The following ADAMTS9 variants were observed in gnomAD, a reference collection of about 807,000 sequenced individuals.
The protein encoded by ADAMTS9 is A disintegrin and metalloproteinase with thrombospondin motifs 9.
Under a neutral mutation model 257.1 loss-of-function variants are expected in ADAMTS9, and 107 were observed. That is an observed-to-expected ratio of 0.42 (90% CI 0.36 to 0.49). The LOEUF (loss-of-function observed/expected upper bound fraction) is 0.49, where lower values mean the gene tolerates loss of function less well. Among genes scored for constraint, ADAMTS9 ranks in the 20% least tolerant of loss-of-function variants. The pLI is 0.03. For missense variants in ADAMTS9, 2,353 were observed against 2,469.1 expected, an observed-to-expected ratio of 0.95 and a Z score of 1.00; for synonymous variants, 982 against 880.9, an observed-to-expected ratio of 1.11 and a Z score of -2.03.
intron 11 of ADAMTS9, 76 bp downstream of exon 11, chr3:64,647,864 T>C: frequency 2.4e-6 from 3 of 1,263,300 alleles, no homozygotes; most frequent in Non-Finnish European, 3.3e-6. Flanking sequence ...ATTCTAAACA[T>C]CGGTGTCTGA....
rs1416021944 is a variant in ADAMTS9, at chr3:64,602,092, C to T, written c.3869G>A (p.Cys1290Tyr). 3.1e-6 allele frequency: 5 copies of T among 1,613,978 alleles called. No individual in the cohort carries two copies. In the African/African-American group the frequency reaches 6.7e-5, roughly 22 times the overall value. ...CCTTTGAGGGCATGGTGACATGGAA[C>T]AGTCCTGGTCAGTTTCTGGGATATA... ...QDYIPETDQD[C>Y]SMSPCPQRTP... Residue 1290 changes from cysteine (C) to tyrosine (Y), a missense_variant, in exon 26 of 40, where the codon TGT (cysteine) becomes TAT (tyrosine). Physicochemically the swap from Cys to Tyr is radical, Grantham distance 194. This residue lies in a region of ADAMTS9 where 1,402 missense variants were observed against 1,441.4 expected (regional missense o/e 0.97). Transcript: ENST00000498707.
Position 64,561,852 on chromosome 3 carries a change from C to T in ADAMTS9, c.4525-101G>A, listed in dbSNP as rs2083432421. 3 of 996,388 alleles carry T rather than the reference C, an allele frequency of 3.0e-6. No individual in the cohort carries two copies. In the African/African-American group the frequency reaches 4.9e-5, roughly 16 times the overall value. 61.7% of individuals were successfully genotyped at this position (996,388 alleles called of 1,614,324 possible). A position where few individuals can be genotyped will look rare whatever the true frequency, so the allele number is the denominator to read the frequency against. On this transcript the variant is annotated intron_variant, in intron 29 of 39. Coordinates refer to ENST00000498707, the MANE Select transcript of ADAMTS9 (RefSeq NM_182920.2). ...AGAGGAGGGGAATGCACTCCTAATC[C>T]AATGACTTTCATAGCTATCACATCG...
At chr3:64,562,017 G>A (rs1469929853) in intron 29 of ADAMTS9, among the ~76,000 whole-genome samples, 1 of 152,194 alleles carries the variant, frequency 6.6e-6, no homozygotes, top group African/African-American at 2.4e-5. Context: ...TTAGAGGATT[G>A]AAGAGGTTAA....
At chr3:64,656,781 G>A (rs1701083340) in intron 4 of ADAMTS9, among the ~76,000 whole-genome samples, 1 of 152,086 alleles carries the variant, frequency 6.6e-6, no homozygotes, top group South Asian at 2.1e-4. Flanking sequence ...AGGCCAGGCA[G>A]GGTTGGGGGG....
At chr3:64,654,651 G>A (rs1296117310) in intron 6 of ADAMTS9, 39 bp from the exon 7 acceptor site, 1 of 1,607,158 alleles carries the variant, frequency 6.2e-7, no homozygotes, top group Non-Finnish European at 8.5e-7. Flanking sequence ...TGACATCAAA[G>A]AGTAAATGTC....
chr3:64,525,952 A>C (rs2082904770), intron 38 of ADAMTS9, among the ~76,000 whole-genome samples: 1 of 147,526 alleles, frequency 6.8e-6, no homozygotes, highest in Admixed American at 6.8e-5. Flanking sequence ...AATATAATAA[A>C]CATTTATATA....
intron 38 of ADAMTS9, among the ~76,000 whole-genome samples, chr3:64,529,659 G>A (rs2082952227): frequency 6.6e-6 from 1 of 152,186 alleles, no homozygotes; most frequent in Non-Finnish European, 1.5e-5. Context: ...TTATTTGGGG[G>A]AAATTACAAG....
At position 64,615,439 on chromosome 3, in the gene ADAMTS9, C is replaced by A. The variant is rs1311546477; in HGVS notation, c.3071G>T (p.Cys1024Phe). Residue 1024 changes from cysteine (C) to phenylalanine (F), a missense_variant, in exon 21 of 40, where the codon TGT (cysteine) becomes TTT (phenylalanine). Cys to Phe is a radical substitution (Grantham distance 205, BLOSUM62 -2). Around this residue, in one of 3 missense-constraint regions of ADAMTS9, gnomAD observed 1,402 missense variants for 1,441.4 expected, o/e 0.97. Transcript: ENST00000498707. ...DGGTQRRRAICVNTRNDVLDD... is the reference protein window; with the variant it reads ...DGGTQRRRAIFVNTRNDVLDD... ...CAGTACATCATTTCGGGTATTGACA[C>A]AAATAGCCCTTCTCCTCTGGGTCCC... 6.2e-7 allele frequency: 1 copy of A among 1,613,918 alleles called. No homozygotes were observed.
At chr3:64,530,189 C>G (rs981281700) in intron 38 of ADAMTS9, among the ~76,000 whole-genome samples, 1 of 151,952 alleles carries the variant, frequency 6.6e-6, no homozygotes, top group Non-Finnish European at 1.5e-5. Flanking sequence ...AGAACCACTG[C>G]TTTAGTGGAA....
rs1211537633 is a variant in ADAMTS9 at position 64,658,339 on chromosome 3, G to T, written c.969+163C>A. Reference sequence around the variant, plus strand: ...TCCGTATTGATAACCACTGTTGTCAGTTTAAAAAGGCAACCAACAAATAAT... The same window carrying T: ...TCCGTATTGATAACCACTGTTGTCATTTTAAAAAGGCAACCAACAAATAAT... On this transcript the variant is annotated intron_variant, in intron 4 of 39. Transcript: ENST00000498707. Among the ~76,000 whole-genome samples the T allele has an allele frequency of 2.0e-5, 3 of 152,316 alleles. No homozygotes were observed. In the East Asian group the frequency reaches 5.8e-4, roughly 29 times the overall value.
At chr3:64,529,054 T>C (rs942363789) in intron 38 of ADAMTS9, among the ~76,000 whole-genome samples, 9 of 152,352 alleles carry the variant, frequency 5.9e-5, no homozygotes, top group African/African-American at 2.2e-4. Flanking sequence ...TCCCACCACC[T>C]GCTCAACTTA....
intron 29 of ADAMTS9, among the ~76,000 whole-genome samples, chr3:64,564,181 C>T (rs1174550417): frequency 2.0e-5 from 3 of 152,176 alleles, no homozygotes; most frequent in South Asian, 2.1e-4. Context: ...ACAGTCTATT[C>T]GTGCAGGTTT....
intron 28 of ADAMTS9, among the ~76,000 whole-genome samples, chr3:64,591,706 A>T (rs906603108): frequency 5.3e-5 from 8 of 152,164 alleles, no homozygotes; most frequent in Non-Finnish European, 1.2e-4. Context: ...GCTCTTTAGT[A>T]ACAAGTGTTG....
Position 64,530,110 on chromosome 3 carries a change from C to A in ADAMTS9, c.5718+3056G>T, listed in dbSNP as rs1470006854. Among the ~76,000 whole-genome samples the A allele has an allele frequency of 2.0e-5, 3 of 148,454 alleles. No homozygotes were observed. In the East Asian group the frequency reaches 6.0e-4, roughly 30 times the overall value. On this transcript the variant is annotated intron_variant, in intron 38 of 39. Transcript: ENST00000498707. ...AAGTGCTGGGATTATGGGCACAAGG[C>A]ACTACATCTGGCCACCTGCTTGTGT...
At chr3:64,622,827 T>A (rs562619524) in intron 16 of ADAMTS9, among the ~76,000 whole-genome samples, 1 of 152,276 alleles carries the variant, frequency 6.6e-6, no homozygotes, top group African/African-American at 2.4e-5. Flanking sequence ...TACTCCCTTG[T>A]GGTATCTGTG....
rs922286827 is a variant in ADAMTS9 at position 64,516,801 on chromosome 3, G to A, written c.*326C>T. 6.6e-6 allele frequency: 1 copy of A among 152,540 alleles called. No homozygotes were observed. Among genetic ancestry groups the A allele is most frequent in the Non-Finnish European group, 1.5e-5 (1 of 68,026 alleles). The allele number at this position is 152,540 out of a possible 1,614,324, so 9.4% of individuals were successfully genotyped here. A position where few individuals can be genotyped will look rare whatever the true frequency, so the allele number is the denominator to read the frequency against. On this transcript the variant is annotated 3_prime_UTR_variant, in exon 40 of 40. Transcript: ENST00000498707. ...AACAATAGTGTACCGTGATAATGAAGGATCACTTTGTCATATTACTACATG... is the reference window on the plus strand; with the variant it reads ...AACAATAGTGTACCGTGATAATGAAAGATCACTTTGTCATATTACTACATG...
At chr3:64,523,472 G>T (rs1281744071) in intron 38 of ADAMTS9, among the ~76,000 whole-genome samples, 1 of 152,158 alleles carries the variant, frequency 6.6e-6, no homozygotes, top group Non-Finnish European at 1.5e-5. Context: ...TTTCAAAAAG[G>T]TTGGGAAAGA....
Position 64,561,910 on chromosome 3 carries a change from C to A in ADAMTS9, c.4525-159G>T, listed in dbSNP as rs568951629. ...ATTTGCAATGAAAGGGATCCTAGAT[C>A]ATGTCTTAAACCTGGAAACTCACTG... On this transcript the variant is annotated intron_variant, in intron 29 of 39. Transcript: ENST00000498707. 1.0e-4 allele frequency: 69 copies of A among 660,100 alleles called. 1 individual carries two copies. The East Asian group carries it at 1.8e-3, about 17-fold the overall frequency. The allele number at this position is 660,100 out of a possible 1,614,324, so 40.9% of individuals were successfully genotyped here. A position where few individuals can be genotyped will look rare whatever the true frequency, so the allele number is the denominator to read the frequency against.
intron 3 of ADAMTS9, among the ~76,000 whole-genome samples, chr3:64,673,459 T>G (rs1253474078): frequency 6.6e-6 from 1 of 152,162 alleles, no homozygotes; most frequent in Non-Finnish European, 1.5e-5. Flanking sequence ...AAAAAGGGGC[T>G]ATATGCAGCA....
Sources: allele counts gnomAD v4.1 joint callset (sites outside exome capture counted in the v4.1 genomes callset), GRCh38; gene constraint gnomAD v4.1.1; regional missense constraint gnomAD v4.1.1; transcripts MANE v1.5; gene names NCBI Gene and HGNC (gene_info 2026-07-23, HGNC 2026-07-21).